The following PREPL variants were observed in gnomAD, a reference collection of about 807,000 sequenced individuals.
PREPL encodes the protein prolyl endopeptidase like, also known as prolyl endopeptidase-like.
In PREPL, 77 loss-of-function variants were observed where a neutral mutation model predicts 70.6. The observed-to-expected ratio is 1.09, with a 90% CI of 0.91 to 1.32. The LOEUF (loss-of-function observed/expected upper bound fraction) is 1.32. Ranked by LOEUF, PREPL falls within the 40% of genes most tolerant of loss-of-function variation. The pLI is 0.00. For synonymous variants in PREPL, 315 were observed against 264.8 expected (o/e 1.19, Z -1.84); for missense variants, 1,002 against 778.2 (o/e 1.29, Z -3.42).
At chr2:44,358,365 AAAAG>A (rs2104248686) in intron 1 of PREPL, among the ~76,000 whole-genome samples, 1 of 152,318 alleles carries the variant, frequency 6.6e-6, no homozygotes, top group South Asian at 2.1e-4. Flanking sequence ...AAAACAGACT[AAAAG>A]AAAAATCAGT....
chr2:44,321,576 CG>C, intron 13 of PREPL, 131 bp from the exon 14 acceptor site: 1 of 1,494,974 alleles, frequency 6.7e-7, no homozygotes, highest in South Asian at 1.4e-5. Flanking sequence ...TACTTTCATT[CG>C]AGAGAGAGGC....
At chr2:44,359,967 GTCTCATTTGTAAAGTTAA>G (rs1390345892) in intron 1 of PREPL, 1 of 438,862 alleles carries the variant, frequency 2.3e-6, no homozygotes, top group Non-Finnish European at 4.1e-6. Context: ...TGACTTAAAT[GTCTCATTTGTAAAGTTAA>G]TCCTATCAGG....
intron 1 of PREPL, among the ~76,000 whole-genome samples, chr2:44,346,887 CAG>C (rs1264804766): frequency 6.6e-6 from 1 of 152,008 alleles, no homozygotes; most frequent in East Asian, 1.9e-4. Flanking sequence ...TATTCACAGC[CAG>C]AGTGATAAGA....
At position 44,318,497 on chromosome 2, in the gene PREPL, C is replaced by T. The variant is rs1672626542; in HGVS notation, c.*2859G>A. On this transcript the variant is annotated 3_prime_UTR_variant, in exon 14 of 14. Coordinates refer to ENST00000409411, the MANE Select transcript of PREPL (RefSeq NM_001171613.2). Reference sequence around the variant, plus strand: ...CCCAGTATGCAGCTTTTAAAAATGACAGTTCTATATACATTGATATGAGAC... The same window carrying T: ...CCCAGTATGCAGCTTTTAAAAATGATAGTTCTATATACATTGATATGAGAC... 1 of 167,060 alleles carries T rather than the reference C, an allele frequency of 6.0e-6. No homozygotes were observed. The highest frequency in any genetic ancestry group is 1.3e-5 in the Non-Finnish European group (1 of 76,560). The allele number at this position is 167,060 out of a possible 1,614,324, so 10.3% of individuals were successfully genotyped here. A position where few individuals can be genotyped will look rare whatever the true frequency, so the allele number is the denominator to read the frequency against.
chr2:44,346,428 T>C, intron 1 of PREPL, 38 bp from the exon 2 acceptor site: 3 of 1,594,974 alleles, frequency 1.9e-6, no homozygotes, highest in Non-Finnish European at 8.5e-7. Context: ...TATTTCAAAC[T>C]AGGGAAAAAA....
chr2:44,338,514 G>C lies in PREPL; in HGVS notation c.725C>G (p.Thr242Ser). 3 of 1,610,860 alleles carry C rather than the reference G, an allele frequency of 1.9e-6. No homozygotes were observed. The highest frequency in any genetic ancestry group is 2.5e-6 in the Non-Finnish European group (3 of 1,179,278). ...TAAATCCCAATTCATAATTGCAGGGGTATCAGCCGCTGTTCTCATTAGCTA... is the reference window on the plus strand; with the variant it reads ...TAAATCCCAATTCATAATTGCAGGGCTATCAGCCGCTGTTCTCATTAGCTA... ...EFKLMRTAAD[T>S]PAIMNWDLFF... The change falls in exon 7 of 14, where the codon ACC becomes AGC. Residue 242 changes from threonine to serine, a missense_variant. Thr to Ser is a moderately conservative substitution (Grantham distance 58, BLOSUM62 1). Coordinates refer to ENST00000409411, the MANE Select transcript of PREPL (RefSeq NM_001171613.2).
At chr2:44,351,697 G>A (rs76908765) in intron 1 of PREPL, among the ~76,000 whole-genome samples, 82 of 152,218 alleles carry the variant, frequency 5.4e-4, no homozygotes, top group Non-Finnish European at 9.1e-4. Context: ...TTTAGAATCT[G>A]ACCACTTCTC....
intron 5 of PREPL, 63 bp downstream of exon 5, chr2:44,342,354 C>T: frequency 7.0e-7 from 1 of 1,422,636 alleles, no homozygotes; most frequent in Non-Finnish European, 9.5e-7. Context: ...CAACCAAAGT[C>T]AGTACTTTAA....
At chr2:44,354,715 C>G (rs1228658317) in intron 1 of PREPL, among the ~76,000 whole-genome samples, 1 of 152,160 alleles carries the variant, frequency 6.6e-6, no homozygotes, top group African/African-American at 2.4e-5. Flanking sequence ...GCTGGGATTA[C>G]AGGCATGCGC....
chr2:44,338,631 C>T, intron 6 of PREPL, 95 bp from the exon 7 acceptor site: 2 of 1,014,084 alleles, frequency 2.0e-6, no homozygotes, highest in Non-Finnish European at 2.9e-6. Context: ...CATACTAGTC[C>T]TCACTGTTTT....
intron 5 of PREPL, 22 bp from the exon 6 acceptor site, chr2:44,339,385 T>G: frequency 6.2e-7 from 1 of 1,605,634 alleles, no homozygotes. Context: ...GAGAGAGACA[T>G]GAGATCACAG....
intron 1 of PREPL, among the ~76,000 whole-genome samples, chr2:44,346,983 T>C (rs1408794207): frequency 1.3e-5 from 2 of 152,060 alleles, no homozygotes; most frequent in East Asian, 3.8e-4. Flanking sequence ...AGGGATATAA[T>C]TTTCTTTTCT....
Position 44,323,284 on chromosome 2 carries a change from G to A in PREPL, c.1607C>T (p.Pro536Leu). The A allele has an allele frequency of 6.2e-7, 1 of 1,605,198 alleles. No homozygotes were observed. The highest frequency in any genetic ancestry group is 8.5e-7 in the Non-Finnish European group (1 of 1,174,416). Reference protein sequence around the residue: ...KHKNYIKRYCPYQNIKPQHYP... With the variant: ...KHKNYIKRYCLYQNIKPQHYP... ...TACCTGAGGTTTAATATTTTGATAG[G>A]GACAGTAACGTTTTATGTAGTTCTT... The change falls in exon 11 of 14, where the codon CCC becomes CTC. Residue 536 changes from proline to leucine, a missense_variant. Coordinates refer to ENST00000409411, the MANE Select transcript of PREPL (RefSeq NM_001171613.2).
At chr2:44,357,906 A>C (rs572707067) in intron 1 of PREPL, among the ~76,000 whole-genome samples, 1 of 152,332 alleles carries the variant, frequency 6.6e-6, no homozygotes, top group African/African-American at 2.4e-5. Context: ...TTTCTAAATG[A>C]GTAAAGAAAG....
At chr2:44,338,850 G>C (rs1490605143) in intron 6 of PREPL, among the ~76,000 whole-genome samples, 2 of 152,186 alleles carry the variant, frequency 1.3e-5, no homozygotes, top group Non-Finnish European at 1.5e-5. Context: ...GCCTAGCTGA[G>C]ATCAATCCAA....
intron 1 of PREPL, among the ~76,000 whole-genome samples, chr2:44,349,572 T>C (rs1349735927): frequency 1.3e-5 from 2 of 152,130 alleles, no homozygotes; most frequent in Non-Finnish European, 2.9e-5. Context: ...AAATTAATTT[T>C]TGAAATTAAA....
rs1675067295 is a variant in PREPL, at chr2:44,340,231, G to C, written c.486-868C>G. On this transcript the variant is annotated intron_variant, in intron 5 of 13. Transcript: ENST00000409411. The stretch of plus-strand genomic sequence containing the variant: ...TTCATTATAATAAACAATATAACAA[G>C]AAACATATTCATGAAGATATTTTCC... 2.0e-5 allele frequency among the ~76,000 whole-genome samples: 3 copies of C among 151,856 alleles called. No homozygotes were observed. In the South Asian group the frequency reaches 6.2e-4, roughly 31 times the overall value.
Position 44,346,372 on chromosome 2 carries a change from G to C in PREPL, c.-30C>G, listed in dbSNP as rs1199302309. 1.2e-6 allele frequency: 2 copies of C among 1,612,106 alleles called. No individual in the cohort carries two copies. The highest frequency in any genetic ancestry group is 2.2e-5 in the South Asian group (2 of 90,872). On this transcript the variant is annotated 5_prime_UTR_variant, in exon 2 of 14. Coordinates refer to ENST00000409411, the MANE Select transcript of PREPL (RefSeq NM_001171613.2). ...TCTGGAAGGGGTTTTTCGTTTTCTT[G>C]TTTAACAGGCTGAAGATCCTGGAAA...
intron 7 of PREPL, among the ~76,000 whole-genome samples, chr2:44,336,392 G>C (rs1674642837): frequency 1.3e-5 from 2 of 152,080 alleles, no homozygotes; most frequent in Non-Finnish European, 2.9e-5. Context: ...GCAGCAACAT[G>C]GATGAAGCTG....
Sources: gnomAD v4.1 joint callset for allele counts (sites outside exome capture counted in the v4.1 genomes callset) on GRCh38, gnomAD v4.1.1 for gene constraint, MANE v1.5 for transcripts, NCBI Gene and HGNC (gene_info 2026-07-23, HGNC 2026-07-21) for gene names.